Variants in MCTP1 observed in about 807,000 individuals in gnomAD.
The protein encoded by MCTP1 is multiple C2 and transmembrane domain-containing protein 1.
A neutral mutation model predicts 120.6 loss-of-function variants in MCTP1; 69 were observed. That is an observed-to-expected ratio of 0.57 (90% CI 0.47 to 0.70). MCTP1 has a LOEUF of 0.70. Among genes scored for constraint, MCTP1 ranks in the 30% least tolerant of loss-of-function variants. The pLI is 0.00. For synonymous variants in MCTP1, 529 were observed against 493.1 expected (o/e 1.07, Z -0.96); for missense variants, 1,203 against 1,248.8 (o/e 0.96, Z 0.55).
At chr5:94,954,463 C>T (rs1383657626) in intron 2 of MCTP1, among the ~76,000 whole-genome samples, 6 of 151,824 alleles carry the variant, frequency 4.0e-5, no homozygotes, top group Non-Finnish European at 8.8e-5. Context: ...ACAATGTATA[C>T]GACTTGGGTG....
chr5:95,038,633 G>A (rs1381798375), intron 1 of MCTP1, among the ~76,000 whole-genome samples: 1 of 152,174 alleles, frequency 6.6e-6, no homozygotes, highest in African/African-American at 2.4e-5. Flanking sequence ...TGATAAATGA[G>A]CCTAACTCTC....
At chr5:95,061,784 T>C (rs1041344677) in intron 1 of MCTP1, among the ~76,000 whole-genome samples, 9 of 152,190 alleles carry the variant, frequency 5.9e-5, no homozygotes, top group Non-Finnish European at 1.3e-4. Flanking sequence ...TGGAAGGCAC[T>C]GTGTTAAGTG....
intron 7 of MCTP1, among the ~76,000 whole-genome samples, chr5:94,921,265 T>C (rs1410763682): frequency 1.3e-5 from 2 of 152,212 alleles, no homozygotes; most frequent in East Asian, 1.9e-4. Flanking sequence ...TATCCTAAGA[T>C]AGTGTTTTGA....
At chr5:95,052,473 AT>A (rs1746249756) in intron 1 of MCTP1, among the ~76,000 whole-genome samples, 2 of 152,106 alleles carry the variant, frequency 1.3e-5, no homozygotes, top group Admixed American at 1.3e-4. Flanking sequence ...GGCAATCTTT[AT>A]TTCCTAGGGA....
intron 1 of MCTP1, among the ~76,000 whole-genome samples, chr5:95,120,584 C>G (rs1758151065): frequency 6.6e-6 from 1 of 152,038 alleles, no homozygotes; most frequent in South Asian, 2.1e-4. Context: ...GAACAAAAAC[C>G]AGATAATCAT....
intron 9 of MCTP1, among the ~76,000 whole-genome samples, chr5:94,910,237 T>TAC (rs1193788351): frequency 7.9e-5 from 12 of 151,830 alleles, no homozygotes; most frequent in East Asian, 3.9e-4. Context: ...TATGTATGTA[T>TAC]GTATATATAC....
intron 17 of MCTP1, among the ~76,000 whole-genome samples, chr5:94,817,443 C>G (rs1784708907): frequency 6.6e-6 from 1 of 151,602 alleles, no homozygotes; most frequent in African/African-American, 2.4e-5. Flanking sequence ...AACAAACAAA[C>G]AAACTGGTTT....
chr5:94,954,030 AT>A (rs1731832151), intron 2 of MCTP1, among the ~76,000 whole-genome samples: 2 of 85,370 alleles, frequency 2.3e-5, no homozygotes, highest in African/African-American at 9.8e-5. Flanking sequence ...ATGCATATAT[AT>A]ACAAATATAT....
At chr5:94,889,750 C>CACACACACA (rs1802136000) in intron 11 of MCTP1, among the ~76,000 whole-genome samples, 4 of 145,714 alleles carry the variant, frequency 2.7e-5, no homozygotes, top group Middle Eastern at 3.4e-3. Flanking sequence ...TGAATGTACA[C>CACACACACA]CACACACACA....
At chr5:95,213,241 C>T (rs1232207516) in intron 1 of MCTP1, among the ~76,000 whole-genome samples, 1 of 152,150 alleles carries the variant, frequency 6.6e-6, no homozygotes, top group African/African-American at 2.4e-5. Flanking sequence ...AGAGCCAAAT[C>T]ATGAGTGAAC....
intron 17 of MCTP1, among the ~76,000 whole-genome samples, chr5:94,809,115 C>T (rs929776033): frequency 6.6e-6 from 1 of 151,992 alleles, no homozygotes; most frequent in African/African-American, 2.4e-5. Flanking sequence ...ATCTCCACAA[C>T]AAAATGGACC....
chr5:95,020,934 AC>A (rs368150372), intron 1 of MCTP1, among the ~76,000 whole-genome samples: 25 of 152,116 alleles, frequency 1.6e-4, no homozygotes, highest in East Asian at 1.5e-3. Context: ...TCAATACTAT[AC>A]CATGTGATTA....
chr5:95,155,209 TA>T (rs1744976701), intron 1 of MCTP1, among the ~76,000 whole-genome samples: 1 of 152,044 alleles, frequency 6.6e-6, no homozygotes, highest in African/African-American at 2.4e-5. Context: ...ATTGCATGAC[TA>T]AAAATATAAA....
intron 1 of MCTP1, among the ~76,000 whole-genome samples, chr5:95,052,718 A>G (rs548859470): frequency 9.2e-5 from 14 of 152,344 alleles, no homozygotes; most frequent in African/African-American, 3.1e-4. Flanking sequence ...AATTAGTAAT[A>G]AACAAAGGAA....
intron 2 of MCTP1, among the ~76,000 whole-genome samples, chr5:94,995,652 T>C (rs55682625): frequency 0.05 from 7,676 of 152,266 alleles, 294 homozygotes; most frequent in East Asian, 0.087. Context: ...ACTTTTCTTT[T>C]TGACAAATTA....
At chr5:95,245,711 A>G (rs1292693841) in intron 1 of MCTP1, among the ~76,000 whole-genome samples, 3 of 152,232 alleles carry the variant, frequency 2.0e-5, no homozygotes, top group Admixed American at 6.5e-5. Context: ...TGATTGGTGT[A>G]CCGGAAAGTG....
rs140552795 is a variant in MCTP1 at position 95,147,688 on chromosome 5, G to T, written c.721-130204C>A. Among the ~76,000 whole-genome samples, 467 of 152,244 alleles carry T rather than the reference G, an allele frequency of 3.1e-3. 1 individual carries two copies. Among genetic ancestry groups the T allele is most frequent in the African/African-American group, 0.011 (446 of 41,534 alleles). On this transcript the variant is annotated intron_variant, in intron 1 of 22. Transcript: ENST00000515393. ...CTATGCTTTTTAAGTGGGGGGCTTAGATCATTTATATTCATGGTTAGTATT... is the reference window on the plus strand; with the variant it reads ...CTATGCTTTTTAAGTGGGGGGCTTATATCATTTATATTCATGGTTAGTATT...
At chr5:94,822,730 A>G (rs905382611) in intron 17 of MCTP1, among the ~76,000 whole-genome samples, 1 of 152,000 alleles carries the variant, frequency 6.6e-6, no homozygotes. Context: ...TGTTTCCTGA[A>G]TTTTTAATGA....
At chr5:94,905,014 G>T (rs889225927) in intron 10 of MCTP1, among the ~76,000 whole-genome samples, 1 of 152,216 alleles carries the variant, frequency 6.6e-6, no homozygotes, top group East Asian at 1.9e-4. Flanking sequence ...CAGAATAGAG[G>T]AATGGAATGC....
Sources: gnomAD v4.1 joint callset for allele counts (sites outside exome capture counted in the v4.1 genomes callset) on GRCh38, gnomAD v4.1.1 for gene constraint, MANE v1.5 for transcripts, NCBI Gene and HGNC (gene_info 2026-07-23, HGNC 2026-07-21) for gene names.